CEP43: variants seen among roughly 807,000 people sequenced by gnomAD.
The protein encoded by CEP43 is centrosomal protein 43, also known as FGFR1 oncogene partner.
Under a neutral mutation model 52.6 loss-of-function variants are expected in CEP43, and 36 were observed. That is an observed-to-expected ratio of 0.68 (90% confidence interval 0.52 to 0.90). The LOEUF (loss-of-function observed/expected upper bound fraction) is 0.90. Ranked by LOEUF, CEP43 falls within the 40% of genes least tolerant of loss-of-function variation. The pLI is 0.00. For missense variants in CEP43, 506 were observed against 472.8 expected (o/e 1.07, Z -0.65); for synonymous variants, 192 against 172.4 (o/e 1.11, Z -0.89).
At chr6:167,007,322 C>T (rs1420849649) in intron 5 of CEP43, among the ~76,000 whole-genome samples, 1 of 152,086 alleles carries the variant, frequency 6.6e-6, no homozygotes, top group East Asian at 1.9e-4. Flanking sequence ...TTGAGGCCTC[C>T]CCTGAAGTTT....
In CEP43 at chr6:167,041,384, A is replaced by G. The variant is rs969545607; in HGVS notation, c.*1406A>G. 9.4e-7 allele frequency: 1 copy of G among 1,060,904 alleles called. No homozygotes were observed. The highest frequency in any genetic ancestry group is 1.1e-6 in the Non-Finnish European group (1 of 876,418). 65.7% of individuals were successfully genotyped at this position (1,060,904 alleles called of 1,614,324 possible). ...AGTAGGACATAAACTGGGCCGGTAC[A>G]GCCTGGGAGCCCTGTGTATTTCTGC... On this transcript the variant is annotated 3_prime_UTR_variant, in exon 13 of 13. Coordinates refer to ENST00000366847, the MANE Select transcript of CEP43 (RefSeq NM_007045.4).
At chr6:167,026,656 GATT>G in intron 10 of CEP43, 41 bp downstream of exon 10, 1 of 1,280,270 alleles carries the variant, frequency 7.8e-7, no homozygotes, top group Non-Finnish European at 1.1e-6. Flanking sequence ...GTTTTAAAGT[GATT>G]ATTTTTAGGG....
chr6:167,017,820 C>G (rs1382137513), intron 7 of CEP43, among the ~76,000 whole-genome samples: 1 of 152,062 alleles, frequency 6.6e-6, no homozygotes, highest in South Asian at 2.1e-4. Flanking sequence ...TGAGCTCCAG[C>G]CAAGAGAACT....
In CEP43 at chr6:167,050,069, G is replaced by C. The variant is rs983317720; in HGVS notation, c.*10091G>C. 1.3e-5 allele frequency: 2 copies of C among 152,194 alleles called. No homozygotes were observed. Among genetic ancestry groups the C allele is most frequent in the Non-Finnish European group, 2.9e-5 (2 of 68,044 alleles). 9.4% of individuals were successfully genotyped at this position (152,194 alleles called of 1,614,324 possible). A position where few individuals can be genotyped will look rare whatever the true frequency, so the allele number is the denominator to read the frequency against. ...CCCACTCAAAATCTCATCTTGACTT[G>C]TAATCCCCATAATCTCCATGTGTCA... On this transcript the variant is annotated 3_prime_UTR_variant, in exon 13 of 13. Transcript: ENST00000366847.
chr6:167,050,766 G>C lies in CEP43; in HGVS notation c.*10788G>C, dbSNP rs1436017589. The C allele has an allele frequency of 7.9e-6, 1 of 126,468 alleles. No homozygotes were observed. Among genetic ancestry groups the C allele is most frequent in the Non-Finnish European group, 1.6e-5 (1 of 62,672 alleles). 7.8% of individuals were successfully genotyped at this position (126,468 alleles called of 1,614,324 possible). On this transcript the variant is annotated 3_prime_UTR_variant, in exon 13 of 13. Transcript: ENST00000366847. ...ACTGCGCTCCAGTCTGGGTGACAGA[G>C]TGAGACTCAAAAAAGAAAAAAAAAA...
At chr6:167,036,889 C>A in intron 12 of CEP43, 1 of 384,644 alleles carries the variant, frequency 2.6e-6, no homozygotes, top group Non-Finnish European at 3.6e-6. Context: ...CTCATTGCAG[C>A]CTCTGCCTCC....
chr6:167,031,434 A>G (rs1366154334), intron 10 of CEP43, among the ~76,000 whole-genome samples: 1 of 152,184 alleles, frequency 6.6e-6, no homozygotes, highest in Admixed American at 6.5e-5. Flanking sequence ...GATCAGAGAT[A>G]CCATCTTAGT....
chr6:167,017,545 T>G lies in CEP43; in HGVS notation c.579+3978T>G, dbSNP rs116512149. On this transcript the variant is annotated intron_variant, in intron 7 of 12. Coordinates refer to ENST00000366847, the MANE Select transcript of CEP43 (RefSeq NM_007045.4). ...AATACTTTTGCAAAACAATAGTATTTCTTTGATATTTTTCCTACATGAACA... is the reference window on the plus strand; with the variant it reads ...AATACTTTTGCAAAACAATAGTATTGCTTTGATATTTTTCCTACATGAACA... Among the ~76,000 whole-genome samples, 1,265 of 151,968 alleles carry G rather than the reference T, an allele frequency of 8.3e-3. 12 individuals are homozygous for G. The highest frequency in any genetic ancestry group is 0.029 in the African/African-American group (1,199 of 41,414).
At chr6:167,032,580 A>C in intron 10 of CEP43, 23 bp from the exon 11 acceptor site, 2 of 1,556,910 alleles carry the variant, frequency 1.3e-6, no homozygotes, top group Middle Eastern at 3.4e-4. Context: ...TAGATATAAC[A>C]TATCTTTTCT....
rs1184102470 is a variant in CEP43, at chr6:167,046,009, C to A, written c.*6031C>A. ...TCTAGCAGCTCTCATGGGTTCATCC[C>A]TGCTGCGGGCATTGCTCCACCAAGG... On this transcript the variant is annotated 3_prime_UTR_variant, in exon 13 of 13. Coordinates refer to ENST00000366847, the MANE Select transcript of CEP43 (RefSeq NM_007045.4). 6.6e-6 allele frequency: 1 copy of A among 152,246 alleles called. No homozygotes were observed. The highest frequency in any genetic ancestry group is 6.5e-5 in the Admixed American group (1 of 15,284). 9.4% of individuals were successfully genotyped at this position (152,246 alleles called of 1,614,324 possible).
rs185266824 is a variant in CEP43 at position 167,044,430 on chromosome 6, G to A, written c.*4452G>A. 6 of 985,172 alleles carry A rather than the reference G, an allele frequency of 6.1e-6. No homozygotes were observed. Among genetic ancestry groups the A allele is most frequent in the Non-Finnish European group, 7.2e-6 (6 of 829,886 alleles). 61.0% of individuals were successfully genotyped at this position (985,172 alleles called of 1,614,324 possible). A position where few individuals can be genotyped will look rare whatever the true frequency, so the allele number is the denominator to read the frequency against. On this transcript the variant is annotated 3_prime_UTR_variant, in exon 13 of 13. Transcript: ENST00000366847. ...CAAGAAGACCAAGATGACAAGATGC[G>A]CCAGGAGACTTGGCCAGAGGACCTC...
chr6:167,029,924 CCTT>C (rs1432320353), intron 10 of CEP43, among the ~76,000 whole-genome samples: 1 of 152,188 alleles, frequency 6.6e-6, no homozygotes, highest in Admixed American at 6.5e-5. Flanking sequence ...CTACAAAGAA[CCTT>C]CTTAAGCATG....
rs1450583555 is a variant in CEP43 at position 167,012,514 on chromosome 6, A to G, written c.520-994A>G. On this transcript the variant is annotated intron_variant, in intron 6 of 12. Coordinates refer to ENST00000366847, the MANE Select transcript of CEP43 (RefSeq NM_007045.4). ...ACTTTTCATGAAAATACCTGGCTTT[A>G]GAAAAATTAAAATTAATGAATATTC... 2.6e-5 allele frequency among the ~76,000 whole-genome samples: 4 copies of G among 152,346 alleles called. No homozygotes were observed. In the East Asian group the frequency reaches 5.8e-4, roughly 22 times the overall value.
chr6:167,016,090 A>G (rs73026236), intron 7 of CEP43, among the ~76,000 whole-genome samples: 3,079 of 152,006 alleles, frequency 0.02, 52 homozygotes, highest in East Asian at 0.091. Context: ...GTATCAGAAA[A>G]TTATAACAGA....
chr6:167,009,499 C>CAAAAAAAAAA (rs139374939), intron 5 of CEP43, among the ~76,000 whole-genome samples: 2 of 44,150 alleles, frequency 4.5e-5, no homozygotes, highest in African/African-American at 2.2e-4. Context: ...GACTCTGTCT[C>CAAAAAAAAAA]AAAAAAAAAA....
At chr6:167,002,940 G>T (rs112355513) in intron 2 of CEP43, among the ~76,000 whole-genome samples, 3 of 152,220 alleles carry the variant, frequency 2.0e-5, no homozygotes, top group African/African-American at 7.2e-5. Flanking sequence ...TTTCACACAG[G>T]TATTTGAAAA....
At chr6:167,033,099 C>CTTTTTTTTTTTTTTTTT (rs71032896) in intron 11 of CEP43, among the ~76,000 whole-genome samples, 1 of 68,298 alleles carries the variant, frequency 1.5e-5, no homozygotes, top group African/African-American at 5.5e-5. Flanking sequence ...TTGCCATTCT[C>CTTTTTTTTTTTTTTTTT]TTTTTTTTTT....
intron 12 of CEP43, among the ~76,000 whole-genome samples, chr6:167,039,187 T>C (rs1343932380): frequency 6.6e-6 from 1 of 151,990 alleles, no homozygotes; most frequent in Non-Finnish European, 1.5e-5. Context: ...TGGAGTGCAG[T>C]GGTGCAATTT....
intron 1 of CEP43, 50 bp downstream of exon 1, chr6:166,999,564 G>A: frequency 7.8e-7 from 1 of 1,277,172 alleles, no homozygotes. Flanking sequence ...GGGCTTGCGT[G>A]GACAGCGGGC....
Sources: gnomAD v4.1 joint callset for allele counts (sites outside exome capture counted in the v4.1 genomes callset) on GRCh38, gnomAD v4.1.1 for gene constraint, MANE v1.5 for transcripts, NCBI Gene and HGNC (gene_info 2026-07-23, HGNC 2026-07-21) for gene names.